Variants in LRP2BP observed in about 807,000 individuals in gnomAD.
LRP2BP encodes LRP2 binding protein.
In LRP2BP, 38 loss-of-function variants were observed where a neutral mutation model predicts 45.2. The ratio of observed to expected loss-of-function variants is 0.84; its 90% CI spans 0.65 to 1.10. The LOEUF (loss-of-function observed/expected upper bound fraction) is 1.10, where lower values mean the gene tolerates loss of function less well. Ranked by LOEUF, LRP2BP falls within the 50% of genes least tolerant of loss-of-function variation. LRP2BP has a pLI of 0.00. For missense variants in LRP2BP, 385 were observed against 418.9 expected (o/e 0.92, Z 0.71); for synonymous variants, 153 against 153.9 (o/e 0.99, Z 0.04).
At chr4:185,385,902 G>T (rs2095469837) in intron 1 of LRP2BP, among the ~76,000 whole-genome samples, 1 of 52,244 alleles carries the variant, frequency 1.9e-5, no homozygotes, top group South Asian at 7.5e-4. Context: ...CTCTGTCTCG[G>T]GGAGGGGGGG....
intron 1 of LRP2BP, among the ~76,000 whole-genome samples, chr4:185,393,700 A>AT (rs939575029): frequency 2.2e-4 from 34 of 151,812 alleles, no homozygotes; most frequent in African/African-American, 8.0e-4. Context: ...CAATTTTTCT[A>AT]TTTTTAGTAG....
chr4:185,378,272 T>G, intron 1 of LRP2BP, 65 bp from the exon 2 acceptor site: 1 of 1,573,276 alleles, frequency 6.4e-7, no homozygotes, highest in Non-Finnish European at 8.6e-7. Flanking sequence ...AAAGAGAGAC[T>G]CTATTCCCAC....
chr4:185,378,288 G>C, intron 1 of LRP2BP, 81 bp from the exon 2 acceptor site: 1 of 1,529,176 alleles, frequency 6.5e-7, no homozygotes, highest in South Asian at 1.3e-5. Flanking sequence ...CCCACCAGGT[G>C]CTCATTAGGA....
At chr4:185,367,329 A>AT in intron 8 of LRP2BP, 84 bp from the exon 9 acceptor site, 1 of 1,201,406 alleles carries the variant, frequency 8.3e-7, no homozygotes, top group Non-Finnish European at 1.2e-6. Flanking sequence ...TTTTTGATTC[A>AT]TTTTTAAGAA....
At chr4:185,393,742 T>A (rs1471500692) in intron 1 of LRP2BP, among the ~76,000 whole-genome samples, 1 of 151,726 alleles carries the variant, frequency 6.6e-6, no homozygotes, top group Non-Finnish European at 1.5e-5. Context: ...GCCATTCTGG[T>A]CTCAAACTGC....
chr4:185,395,470 T>C lies in LRP2BP; in HGVS notation c.-713A>G, dbSNP rs113715175. On this transcript the variant is annotated 5_prime_UTR_variant, in exon 1 of 9. It adds an upstream start codon to the 5' untranslated region. Transcript: ENST00000505916. Reference sequence around the variant, plus strand: ...TGATAAACAAAAGCGAAACTGGCAATATCAACGTGTGCTCACCTCACAAAT... The same window carrying C: ...TGATAAACAAAAGCGAAACTGGCAACATCAACGTGTGCTCACCTCACAAAT... 2.6e-3 allele frequency: 2,529 copies of C among 985,328 alleles called. 49 individuals are homozygous for C. The African/African-American group carries it at 0.042, about 16-fold the overall frequency. 61.0% of individuals were successfully genotyped at this position (985,328 alleles called of 1,614,324 possible).
At chr4:185,388,429 C>T (rs2095477953) in intron 1 of LRP2BP, among the ~76,000 whole-genome samples, 1 of 131,648 alleles carries the variant, frequency 7.6e-6, no homozygotes, top group Admixed American at 7.1e-5. Flanking sequence ...TTTCCTTTTA[C>T]TATCTATCTA....
intron 8 of LRP2BP, among the ~76,000 whole-genome samples, chr4:185,367,717 A>ACCCC (rs1561071238): frequency 6.6e-6 from 1 of 152,034 alleles, no homozygotes; most frequent in Admixed American, 6.5e-5. Flanking sequence ...TCTCATCCAA[A>ACCCC]CCCCATTCTA....
Position 185,394,860 on chromosome 4 carries a change from T to A in LRP2BP, c.-103A>T. ...CGCATCTACCAGCAATTAAAACATGTAGAATTAGCACTGCTTAGGAGAACG... is the reference window on the plus strand; with the variant it reads ...CGCATCTACCAGCAATTAAAACATGAAGAATTAGCACTGCTTAGGAGAACG... On this transcript the variant is annotated 5_prime_UTR_variant, in exon 1 of 9. Transcript: ENST00000505916. 1.0e-6 allele frequency: 1 copy of A among 985,436 alleles called. No homozygotes were observed. The highest frequency in any genetic ancestry group is 1.2e-6 in the Non-Finnish European group (1 of 829,926). The allele number at this position is 985,436 out of a possible 1,614,324, so 61.0% of individuals were successfully genotyped here. A position where few individuals can be genotyped will look rare whatever the true frequency, so the allele number is the denominator to read the frequency against.
At position 185,373,066 on chromosome 4, in the gene LRP2BP, T is replaced by C. The variant is rs370147340; in HGVS notation, c.593A>G (p.His198Arg). Residue 198 changes from histidine to arginine, a missense_variant, in exon 7 of 9, where the codon CAT becomes CGT. Transcript: ENST00000505916. ...ATTCCCATTGCCACATGCTTCGGAA[T>C]GCCAGTAAAATGCCTAAGAAAAGCA... ...PKELEKAFYW[H>R]SEACGNGNLE... 451 of 1,606,490 alleles carry C rather than the reference T, an allele frequency of 2.8e-4. 3 individuals carry two copies. In the South Asian group the frequency reaches 3.8e-3, roughly 14 times the overall value.
chr4:185,388,548 T>C (rs145902836), intron 1 of LRP2BP, among the ~76,000 whole-genome samples: 47 of 138,908 alleles, frequency 3.4e-4, no homozygotes, highest in African/African-American at 1.3e-3. Context: ...CTAGGACTTC[T>C]AGTAAACACA....
At chr4:185,387,557 CTG>C (rs1331424347) in intron 1 of LRP2BP, among the ~76,000 whole-genome samples, 3 of 152,204 alleles carry the variant, frequency 2.0e-5, no homozygotes, top group Non-Finnish European at 2.9e-5. Flanking sequence ...TATAAACATA[CTG>C]TGTTTCAGAC....
intron 1 of LRP2BP, among the ~76,000 whole-genome samples, chr4:185,386,679 A>G (rs777878748): frequency 1.3e-5 from 2 of 152,184 alleles, no homozygotes; most frequent in Non-Finnish European, 2.9e-5. Context: ...GGAGACAGGT[A>G]CACCCCAACG....
intron 2 of LRP2BP, chr4:185,377,260 G>A (rs961321537): frequency 3.7e-5 from 16 of 427,718 alleles, no homozygotes; most frequent in African/African-American, 2.8e-4. Context: ...GCTCACGCCT[G>A]TAAATCTCAG....
chr4:185,388,462 TA>T (rs1474646490), intron 1 of LRP2BP, among the ~76,000 whole-genome samples: 6 of 4,032 alleles, frequency 1.5e-3, no homozygotes, highest in African/African-American at 2.1e-3. Context: ...CCTACCTACC[TA>T]ACCTGCCTAA....
At chr4:185,393,715 G>A (rs1350340521) in intron 1 of LRP2BP, among the ~76,000 whole-genome samples, 1 of 151,602 alleles carries the variant, frequency 6.6e-6, no homozygotes, top group Non-Finnish European at 1.5e-5. Context: ...TAGTAGAGAC[G>A]GGGTTTCACC....
intron 3 of LRP2BP, 139 bp downstream of exon 3, chr4:185,376,770 T>TTAAAGCCACAGCCATAGTCGATG: frequency 1.6e-6 from 1 of 624,484 alleles, no homozygotes; most frequent in Non-Finnish European, 2.8e-6. Flanking sequence ...TATCCTACTG[T>TTAAAGCCACAGCCATAGTCGATG]TAAAGCCACA....
At position 185,366,216 on chromosome 4, in the gene LRP2BP, A is replaced by G. The variant is rs150014613; in HGVS notation, c.*964T>C. 1 of 152,342 alleles carries G rather than the reference A, an allele frequency of 6.6e-6. No homozygotes were observed. Among genetic ancestry groups the G allele is most frequent in the Non-Finnish European group, 1.5e-5 (1 of 68,028 alleles). The allele number at this position is 152,342 out of a possible 1,614,324, so 9.4% of individuals were successfully genotyped here. On this transcript the variant is annotated 3_prime_UTR_variant, in exon 9 of 9. Coordinates refer to ENST00000505916, the MANE Select transcript of LRP2BP (RefSeq NM_001377440.1). ...TTTTACTGTCACCTTTTGCCTTCAT[A>G]GATGTCATCTATATACGGAAAGCCT...
rs1183408304 is a variant in LRP2BP at position 185,395,449 on chromosome 4, AAAC to A, written c.-695_-693del. 1.0e-6 allele frequency: 1 copy of A among 985,252 alleles called. No homozygotes were observed. The highest frequency in any genetic ancestry group is 1.2e-6 in the Non-Finnish European group (1 of 829,862). The allele number at this position is 985,252 out of a possible 1,614,324, so 61.0% of individuals were successfully genotyped here. The stretch of plus-strand genomic sequence containing the variant: ...AAAAAGCAGTGCTTATTGAATTGAT[AAAC>A]AAAAGCGAAACTGGCAATATCAACG... On this transcript the variant is annotated 5_prime_UTR_variant, in exon 1 of 9. Coordinates refer to ENST00000505916, the MANE Select transcript of LRP2BP (RefSeq NM_001377440.1).
Sources: allele counts gnomAD v4.1 joint callset (sites outside exome capture counted in the v4.1 genomes callset), GRCh38; gene constraint gnomAD v4.1.1; transcripts MANE v1.5; gene names NCBI Gene and HGNC (gene_info 2026-07-23, HGNC 2026-07-21).